Variants in ADAM9 observed in about 807,000 individuals in gnomAD.
The protein encoded by ADAM9 is ADAM metallopeptidase domain 9, also known as disintegrin and metalloproteinase domain-containing protein 9.
A neutral mutation model predicts 108.1 loss-of-function variants in ADAM9; 54 were observed. The ratio of observed to expected loss-of-function variants is 0.50; its 90% CI spans 0.40 to 0.63. The LOEUF (loss-of-function observed/expected upper bound fraction) is 0.63, where lower values mean the gene tolerates loss of function less well. Among genes scored for constraint, ADAM9 ranks in the 20% least tolerant of loss-of-function variants. The pLI, the probability that ADAM9 is intolerant of heterozygous loss-of-function variation, is 0.00. For missense variants in ADAM9, 830 were observed against 997.7 expected, an observed-to-expected ratio of 0.83 and a Z score of 2.26; for synonymous variants, 316 against 336.0, an observed-to-expected ratio of 0.94 and a Z score of 0.65.
At chr8:38,999,209 C>T (rs1434366544) in intron 1 of ADAM9, among the ~76,000 whole-genome samples, 1 of 152,098 alleles carries the variant, frequency 6.6e-6, no homozygotes, top group Admixed American at 6.6e-5. Context: ...TTTGAGGTAC[C>T]AGGCACACGT....
In ADAM9 at chr8:39,016,043, G is replaced by A. The variant is rs1478746177; in HGVS notation, c.334-75G>A. 8.7e-5 allele frequency: 121 copies of A among 1,387,918 alleles called. 2 individuals are homozygous for A. The South Asian group carries it at 9.5e-4, about 11-fold the overall frequency. The allele number at this position is 1,387,918 out of a possible 1,614,324, so 86.0% of individuals were successfully genotyped here. A position where few individuals can be genotyped will look rare whatever the true frequency, so the allele number is the denominator to read the frequency against. The stretch of plus-strand genomic sequence containing the variant: ...AACTTGACTGGCCTAAAGTAATTTT[G>A]TTAGCTCTGCAATTTCTGTGATGAT... On this transcript the variant is annotated intron_variant, in intron 4 of 21. Transcript: ENST00000487273.
Position 39,018,866 on chromosome 8 carries a change from T to C in ADAM9, c.620T>C (p.Val207Ala). The change falls in exon 7 of 22, where the codon GTC becomes GCC. Residue 207 changes from valine to alanine, a missense_variant. Transcript: ENST00000487273. ...TGTTTTTGACAGAGAAGAAGAGCTGTCTTGCCACAGACCCGGTATGTGGAG... is the reference window on the plus strand; with the variant it reads ...TGTTTTTGACAGAGAAGAAGAGCTGCCTTGCCACAGACCCGGTATGTGGAG... ...MTQLLRRRRA[V>A]LPQTRYVELF... is the part of the protein sequence containing the mutation. 6 of 1,614,084 alleles carry C rather than the reference T, an allele frequency of 3.7e-6. No individual in the cohort carries two copies. The highest frequency in any genetic ancestry group is 4.2e-6 in the Non-Finnish European group (5 of 1,179,962).
At chr8:39,050,877 A>G (rs139914011) in intron 12 of ADAM9, among the ~76,000 whole-genome samples, 93 of 132,656 alleles carry the variant, frequency 7.0e-4, no homozygotes, top group Non-Finnish European at 1.2e-3. Flanking sequence ...TAAACTGGGT[A>G]GAGGAACTGT....
At chr8:38,999,190 A>C (rs769127681) in intron 1 of ADAM9, among the ~76,000 whole-genome samples, 2 of 152,216 alleles carry the variant, frequency 1.3e-5, no homozygotes, top group Middle Eastern at 3.2e-3. Flanking sequence ...TCCAGGATCG[A>C]AAGAGGAATT....
intron 16 of ADAM9, among the ~76,000 whole-genome samples, chr8:39,080,792 A>G (rs1214943871): frequency 1.3e-5 from 2 of 151,940 alleles, no homozygotes; most frequent in Non-Finnish European, 2.9e-5. Flanking sequence ...AGGTAGTTCA[A>G]TTTTGCTCCC....
intron 18 of ADAM9, among the ~76,000 whole-genome samples, chr8:39,088,005 A>G (rs1450522151): frequency 2.6e-5 from 4 of 152,210 alleles, no homozygotes; most frequent in African/African-American, 7.2e-5. Flanking sequence ...GAGAAAAGCA[A>G]ATTTATTAAG....
At chr8:39,098,140 A>T (rs1440696698) in intron 20 of ADAM9, among the ~76,000 whole-genome samples, 1 of 151,904 alleles carries the variant, frequency 6.6e-6, no homozygotes, top group Non-Finnish European at 1.5e-5. Context: ...CTTTAAATAG[A>T]CTATATTTTA....
chr8:39,020,057 G>C (rs1369646611), intron 7 of ADAM9, among the ~76,000 whole-genome samples: 1 of 152,204 alleles, frequency 6.6e-6, no homozygotes, highest in Non-Finnish European at 1.5e-5. Context: ...AGGCCGAGGC[G>C]GGCGGATCAC....
intron 14 of ADAM9, among the ~76,000 whole-genome samples, chr8:39,065,430 G>A (rs908732290): frequency 3.3e-5 from 5 of 151,250 alleles, no homozygotes; most frequent in African/African-American, 7.3e-5. Context: ...TGAGGTGGGC[G>A]GATCACAAGG....
chr8:39,039,021 TCC>T (rs1258942558), intron 11 of ADAM9, among the ~76,000 whole-genome samples: 1 of 152,156 alleles, frequency 6.6e-6, no homozygotes, highest in African/African-American at 2.4e-5. Context: ...TGCATTCCAA[TCC>T]AAGAGGCAGG....
At chr8:39,004,625 C>T (rs987769669) in intron 1 of ADAM9, among the ~76,000 whole-genome samples, 11 of 152,176 alleles carry the variant, frequency 7.2e-5, no homozygotes, top group African/African-American at 2.2e-4. Flanking sequence ...ACTCCACGAG[C>T]AGAACAGTGG....
At chr8:39,000,820 C>T (rs1166790960) in intron 1 of ADAM9, among the ~76,000 whole-genome samples, 1 of 151,962 alleles carries the variant, frequency 6.6e-6, no homozygotes, top group Non-Finnish European at 1.5e-5. Context: ...TAACTTGGTC[C>T]GTTTTAAAAT....
At position 39,010,346 on chromosome 8, in the gene ADAM9, C is replaced by T. The variant is rs188817913; in HGVS notation, c.196-1312C>T. 2.0e-5 allele frequency among the ~76,000 whole-genome samples: 3 copies of T among 152,286 alleles called. No individual in the cohort carries two copies. In the East Asian group the frequency reaches 5.8e-4, roughly 29 times the overall value. On this transcript the variant is annotated intron_variant, in intron 2 of 21. Coordinates refer to ENST00000487273, the MANE Select transcript of ADAM9 (RefSeq NM_003816.3). The stretch of plus-strand genomic sequence containing the variant: ...AGAGCTTGGTGGTTTTGCTGGCCCA[C>T]TGGAGACTGAGGTAGATGATGAAGG...
intron 21 of ADAM9, among the ~76,000 whole-genome samples, chr8:39,103,162 T>C (rs1196810684): frequency 6.6e-6 from 1 of 152,158 alleles, no homozygotes; most frequent in Non-Finnish European, 1.5e-5. Flanking sequence ...TGGACAGGTA[T>C]AGAAGTCATA....
chr8:39,052,572 AG>A (rs991449447), intron 12 of ADAM9, among the ~76,000 whole-genome samples: 21 of 152,166 alleles, frequency 1.4e-4, no homozygotes, highest in African/African-American at 5.1e-4. Flanking sequence ...AAATTATTTT[AG>A]TTTTTTTTAA....
At chr8:39,077,808 G>A (rs754738970) in intron 16 of ADAM9, among the ~76,000 whole-genome samples, 1 of 152,212 alleles carries the variant, frequency 6.6e-6, no homozygotes, top group Non-Finnish European at 1.5e-5. Context: ...GGATTAGATA[G>A]AAGGCCAGAG....
chr8:39,077,579 A>G (rs961136527), intron 16 of ADAM9, among the ~76,000 whole-genome samples, 168 bp downstream of exon 16: 1 of 152,248 alleles, frequency 6.6e-6, no homozygotes, highest in Non-Finnish European at 1.5e-5. Flanking sequence ...TAATTCTGTT[A>G]TCCACATTTC....
At chr8:39,012,687 A>G (rs887966815) in intron 3 of ADAM9, among the ~76,000 whole-genome samples, 11 of 152,284 alleles carry the variant, frequency 7.2e-5, no homozygotes, top group South Asian at 2.1e-4. Context: ...TCAGCAAACT[A>G]TTGCAAGGAC....
intron 12 of ADAM9, among the ~76,000 whole-genome samples, chr8:39,052,492 T>A (rs765728085): frequency 1.3e-5 from 2 of 152,122 alleles, no homozygotes; most frequent in Non-Finnish European, 2.9e-5. Context: ...CCTGTAATGG[T>A]TTCAGAAATT....
Sources: gnomAD v4.1 joint callset for allele counts (sites outside exome capture counted in the v4.1 genomes callset) on GRCh38, gnomAD v4.1.1 for gene constraint, MANE v1.5 for transcripts, NCBI Gene and HGNC (gene_info 2026-07-23, HGNC 2026-07-21) for gene names.